Variants in SMYD3 observed in about 807,000 individuals in gnomAD.
SMYD3 encodes SET and MYND domain containing 3.
Under a neutral mutation model 57.7 loss-of-function variants are expected in SMYD3, and 36 were observed. That is an observed-to-expected ratio of 0.62 (90% CI 0.48 to 0.82). SMYD3 has a LOEUF of 0.82. SMYD3 is among the 40% of genes least tolerant of loss of function. The pLI, the probability that SMYD3 is intolerant of heterozygous loss-of-function variation, is 0.00. For synonymous variants in SMYD3, 211 were observed against 195.0 expected (o/e 1.08, Z -0.68); for missense variants, 515 against 538.8 (o/e 0.96, Z 0.44).
intron 5 of SMYD3, among the ~76,000 whole-genome samples, chr1:246,060,296 A>C (rs1466854061): frequency 6.6e-6 from 1 of 151,282 alleles, no homozygotes; most frequent in Non-Finnish European, 1.5e-5. Flanking sequence ...AAAAAATAAA[A>C]ATAAAGGTTG....
At chr1:246,228,943 T>C (rs1186081642) in intron 5 of SMYD3, among the ~76,000 whole-genome samples, 3 of 152,116 alleles carry the variant, frequency 2.0e-5, no homozygotes, top group Non-Finnish European at 2.9e-5. Flanking sequence ...ATAGATAAAG[T>C]GGAATTTTTG....
chr1:246,194,894 C>T (rs2062807066), intron 5 of SMYD3, among the ~76,000 whole-genome samples: 3 of 152,174 alleles, frequency 2.0e-5, no homozygotes, highest in African/African-American at 7.2e-5. Flanking sequence ...TTGGGTCCCT[C>T]GTACAATGAA....
intron 5 of SMYD3, among the ~76,000 whole-genome samples, chr1:246,242,372 T>C (rs903763569): frequency 3.9e-5 from 6 of 152,208 alleles, no homozygotes; most frequent in Admixed American, 2.0e-4. Flanking sequence ...CAGGAACAGG[T>C]TGTTCAGTTT....
intron 10 of SMYD3, among the ~76,000 whole-genome samples, chr1:245,839,465 A>G (rs569141235): frequency 3.4e-4 from 51 of 151,778 alleles, no homozygotes; most frequent in African/African-American, 8.5e-4. Context: ...CACTGTGCCC[A>G]GCCCAGGCCA....
chr1:246,160,111 C>G (rs1422911215), intron 5 of SMYD3, among the ~76,000 whole-genome samples: 1 of 152,212 alleles, frequency 6.6e-6, no homozygotes, highest in Non-Finnish European at 1.5e-5. Context: ...CCCCTGTACT[C>G]TGCTGCTGTC....
intron 5 of SMYD3, among the ~76,000 whole-genome samples, chr1:246,144,951 C>T (rs537970528): frequency 1.4e-4 from 21 of 152,286 alleles, no homozygotes; most frequent in African/African-American, 4.8e-4. Context: ...ACTTCCCCAC[C>T]GCCTCACGAA....
intron 10 of SMYD3, among the ~76,000 whole-genome samples, chr1:245,847,092 A>G (rs2050705666): frequency 6.6e-6 from 1 of 152,164 alleles, no homozygotes; most frequent in African/African-American, 2.4e-5. Context: ...TGGCTGGGCC[A>G]TTTCCCTTAA....
At chr1:246,141,765 G>A (rs2061760208) in intron 5 of SMYD3, among the ~76,000 whole-genome samples, 1 of 152,196 alleles carries the variant, frequency 6.6e-6, no homozygotes, top group Non-Finnish European at 1.5e-5. Flanking sequence ...ATTCCATTTA[G>A]TAAACACATC....
intron 5 of SMYD3, among the ~76,000 whole-genome samples, chr1:246,266,384 A>G (rs2064107362): frequency 6.6e-6 from 1 of 152,122 alleles, no homozygotes; most frequent in Admixed American, 6.5e-5. Flanking sequence ...CTGTATTCCT[A>G]AAGTATTTTG....
intron 5 of SMYD3, among the ~76,000 whole-genome samples, chr1:246,119,499 ACCT>A (rs1262670186): frequency 6.9e-6 from 1 of 144,590 alleles, no homozygotes; most frequent in African/African-American, 2.6e-5. Flanking sequence ...TGCAACCTCC[ACCT>A]CCAGGGTTCA....
chr1:246,013,531 G>A (rs746249254), intron 5 of SMYD3, among the ~76,000 whole-genome samples: 37 of 152,156 alleles, frequency 2.4e-4, no homozygotes, highest in Non-Finnish European at 5.9e-5. Context: ...AGCCTATAAT[G>A]TAACAGTTAT....
chr1:246,302,289 G>A (rs995046461), intron 5 of SMYD3, among the ~76,000 whole-genome samples: 1 of 152,096 alleles, frequency 6.6e-6, no homozygotes, highest in African/African-American at 2.4e-5. Flanking sequence ...GCAATGGGGG[G>A]AGACCAGACC....
intron 5 of SMYD3, among the ~76,000 whole-genome samples, chr1:246,037,077 C>G (rs1016707009): frequency 1.3e-5 from 2 of 152,038 alleles, no homozygotes; most frequent in African/African-American, 2.4e-5. Flanking sequence ...CCATTGTATT[C>G]CTATTACAAA....
intron 10 of SMYD3, among the ~76,000 whole-genome samples, chr1:245,833,217 T>C (rs1191685062): frequency 2.3e-4 from 35 of 152,182 alleles, no homozygotes; most frequent in Admixed American, 2.3e-3. Flanking sequence ...CATCTTACAT[T>C]ACCAAGGAAC....
At chr1:246,120,158 G>A (rs544760504) in intron 5 of SMYD3, among the ~76,000 whole-genome samples, 107 of 152,286 alleles carry the variant, frequency 7.0e-4, no homozygotes, top group African/African-American at 2.4e-3. Flanking sequence ...TGCCTTTGAG[G>A]ATAAGGATGG....
At chr1:245,862,825 G>C (rs926642564) in intron 9 of SMYD3, among the ~76,000 whole-genome samples, 2 of 152,176 alleles carry the variant, frequency 1.3e-5, no homozygotes, top group Non-Finnish European at 2.9e-5. Flanking sequence ...CGCTCTTGGA[G>C]AAACCAGGCA....
At chr1:246,100,208 G>T (rs760652479) in intron 5 of SMYD3, among the ~76,000 whole-genome samples, 38 of 151,960 alleles carry the variant, frequency 2.5e-4, no homozygotes, top group Non-Finnish European at 5.0e-4. Context: ...AGACTTCAAC[G>T]CATTAAAACA....
intron 1 of SMYD3, among the ~76,000 whole-genome samples, chr1:246,393,811 C>T (rs546916752): frequency 2.0e-5 from 3 of 152,126 alleles, no homozygotes; most frequent in African/African-American, 4.8e-5. Flanking sequence ...GCCAAGATCG[C>T]GCCACTGCAC....
intron 1 of SMYD3, 58 bp downstream of exon 1, chr1:246,506,996 C>CCCCCCCCACCCCCCA: frequency 1.2e-6 from 1 of 815,826 alleles, no homozygotes. Flanking sequence ...GACGCCCCCC[C>CCCCCCCCACCCCCCA]CTCCCCAGCA....
Sources: allele counts gnomAD v4.1 joint callset (sites outside exome capture counted in the v4.1 genomes callset), GRCh38; gene constraint gnomAD v4.1.1; transcripts MANE v1.5; gene names NCBI Gene and HGNC (gene_info 2026-07-23, HGNC 2026-07-21).